RBM26: variants seen among roughly 807,000 people sequenced by gnomAD.
RBM26 encodes the protein RNA binding motif protein 26, also known as RNA-binding protein 26.
A neutral mutation model predicts 123.6 loss-of-function variants in RBM26; 30 were observed. The observed-to-expected ratio is 0.24, with a 90% confidence interval of 0.18 to 0.33. The LOEUF is 0.33. RBM26 is among the 10% of genes least tolerant of loss of function. The probability of loss-of-function intolerance (pLI) is 1.00; values close to 1 mark genes in which losing one functional copy is unlikely to be tolerated. For synonymous variants in RBM26, 400 were observed against 404.4 expected (o/e 0.99, Z 0.13); for missense variants, 947 against 1,203.6 (o/e 0.79, Z 3.15).
In RBM26 at chr13:79,404,670, T is replaced by C. The variant is rs2079364554; in HGVS notation, c.71+1034A>G. 4.6e-5 allele frequency among the ~76,000 whole-genome samples: 7 copies of C among 152,360 alleles called. No homozygotes were observed. In the South Asian group the frequency reaches 8.3e-4, roughly 18 times the overall value. Reference sequence around the variant, plus strand: ...TTGCTCTTCCTTTTGCAAGGAATGTTCTTTTCCAAGACTTTGACACACATG... The same window carrying C: ...TTGCTCTTCCTTTTGCAAGGAATGTCCTTTTCCAAGACTTTGACACACATG... On this transcript the variant is annotated intron_variant, in intron 1 of 21. Coordinates refer to ENST00000438737, the MANE Select transcript of RBM26 (RefSeq NM_001366735.2).
chr13:79,354,344 G>A (rs1191712188), intron 13 of RBM26, 95 bp downstream of exon 13: 22 of 1,058,966 alleles, frequency 2.1e-5, no homozygotes, highest in Non-Finnish European at 2.6e-5. Context: ...ATATTTCTAT[G>A]TAAAATATAT....
chr13:79,346,631 G>A lies in RBM26; in HGVS notation c.2059-1837C>T, dbSNP rs376931235. Among the ~76,000 whole-genome samples, 25 of 152,168 alleles carry A rather than the reference G, an allele frequency of 1.6e-4. No homozygotes were observed. The East Asian group carries it at 3.3e-3, about 20-fold the overall frequency. On this transcript the variant is annotated intron_variant, in intron 14 of 21. Transcript: ENST00000438737. ...GCTCAAGCAATCTTCCTGCCTTGGC[G>A]CCCCAAACTGTTGGGATTATAGGTG...
chr13:79,322,330 T>TG lies in RBM26; in HGVS notation c.2934+18dup, dbSNP rs1383823484. On this transcript the variant is annotated intron_variant, in intron 21 of 21. Coordinates refer to ENST00000438737, the MANE Select transcript of RBM26 (RefSeq NM_001366735.2). ...ATGAACGATTAAGGGTAAAAATAAG[T>TG]GGAAAAAAAATAACATACTTCTTCT... 1.4e-6 allele frequency: 2 copies of TG among 1,467,748 alleles called. No individual in the cohort carries two copies. The highest frequency in any genetic ancestry group is 1.5e-5 in the African/African-American group (1 of 68,278). 90.9% of individuals were successfully genotyped at this position (1,467,748 alleles called of 1,614,324 possible).
At chr13:79,393,905 T>TTG (rs145389188) in intron 1 of RBM26, among the ~76,000 whole-genome samples, 3 of 152,116 alleles carry the variant, frequency 2.0e-5, no homozygotes, top group Non-Finnish European at 4.4e-5. Flanking sequence ...CCTATTCTTT[T>TTG]TGTGTGTGTG....
Position 79,368,774 on chromosome 13 carries a change from T to A in RBM26, c.851A>T (p.Tyr284Phe). Residue 284 changes from tyrosine to phenylalanine, a missense_variant, in exon 6 of 22, where the codon TAC becomes TTC. This residue lies in a region of RBM26 where 275 missense variants were observed against 361.0 expected (regional missense o/e 0.76). Transcript: ENST00000438737. ...FHEDQVDHNS[Y>F]VRPPMPKKRC... ...TTTCTTTGGCATGGGTGGTCTTACG[T>A]AAGAGTTATGGTCCACTTGGTCTTC... is the stretch of plus-strand genomic sequence containing the variant. 3 of 1,614,000 alleles carry A rather than the reference T, an allele frequency of 1.9e-6. No individual in the cohort carries two copies. Among genetic ancestry groups the A allele is most frequent in the South Asian group, 2.2e-5 (2 of 91,080 alleles).
chr13:79,362,034 C>G (rs115144046), intron 9 of RBM26, among the ~76,000 whole-genome samples: 2 of 152,060 alleles, frequency 1.3e-5, no homozygotes, highest in Admixed American at 6.6e-5. Context: ...GATTAAGGAC[C>G]AAAGTTCTAC....
At chr13:79,388,705 TG>T (rs1167190534) in intron 1 of RBM26, among the ~76,000 whole-genome samples, 6 of 152,336 alleles carry the variant, frequency 3.9e-5, no homozygotes, top group Admixed American at 3.3e-4. Flanking sequence ...CTTTAGAGAC[TG>T]GTAACTGCAA....
At position 79,337,226 on chromosome 13, in the gene RBM26, C is replaced by T. The variant is rs777283147; in HGVS notation, c.2609G>A (p.Arg870Gln). ...HSRGRGAVHG[R>Q]GRGRGRGRGV... The stretch of plus-strand genomic sequence containing the variant: ...TCGCCCTCGCCCTCGCCCCCTGCCT[C>T]GGCCATGAACTGCACCTCGACCTCT... The change falls in exon 19 of 22, where the codon CGA becomes CAA. Residue 870 changes from arginine (R) to glutamine (Q), a missense_variant. Coordinates refer to ENST00000438737, the MANE Select transcript of RBM26 (RefSeq NM_001366735.2). The T allele has an allele frequency of 5.0e-6, 8 of 1,614,054 alleles. No homozygotes were observed. Among genetic ancestry groups the T allele is most frequent in the Middle Eastern group, 1.6e-4 (1 of 6,084 alleles).
chr13:79,396,067 T>C lies in RBM26; in HGVS notation c.71+9637A>G, dbSNP rs114434599. On this transcript the variant is annotated intron_variant, in intron 1 of 21. Coordinates refer to ENST00000438737, the MANE Select transcript of RBM26 (RefSeq NM_001366735.2). ...CAAACTGCTGACCAAATAAAAGGAA[T>C]TGAATCTTAAAGGTAGTCAAAGGGG... is the stretch of plus-strand genomic sequence containing the variant. Among the ~76,000 whole-genome samples the C allele has an allele frequency of 4.5e-3, 682 of 152,204 alleles. 5 individuals are homozygous for C. The highest frequency in any genetic ancestry group is 0.016 in the African/African-American group (656 of 41,544).
chr13:79,342,529 GC>G (rs1373493945), intron 17 of RBM26, 134 bp downstream of exon 17: 3 of 628,312 alleles, frequency 4.8e-6, no homozygotes, highest in African/African-American at 1.9e-5. Context: ...TTTATTTATG[GC>G]AGGGGGAGAA....
chr13:79,395,412 C>T (rs2078468617), intron 1 of RBM26, among the ~76,000 whole-genome samples: 1 of 152,082 alleles, frequency 6.6e-6, no homozygotes, highest in Non-Finnish European at 1.5e-5. Context: ...AGAAATAACT[C>T]TCCTTCGCAG....
At chr13:79,379,803 G>A (rs1246671033) in intron 1 of RBM26, among the ~76,000 whole-genome samples, 21 of 150,936 alleles carry the variant, frequency 1.4e-4, no homozygotes, top group Non-Finnish European at 2.9e-5. Context: ...TTTTTACCGA[G>A]ACTAACATTA....
At chr13:79,354,882 G>T (rs2139529557) in intron 12 of RBM26, among the ~76,000 whole-genome samples, 1 of 152,234 alleles carries the variant, frequency 6.6e-6, no homozygotes, top group East Asian at 1.9e-4. Flanking sequence ...CAAAAAGGAG[G>T]GAGAAAGGGG....
chr13:79,389,562 C>A (rs1217354496), intron 1 of RBM26: 3 of 152,164 alleles, frequency 2.0e-5, no homozygotes, highest in Non-Finnish European at 4.4e-5. Context: ...CATGTACTAA[C>A]CAAGCCTAAT....
At chr13:79,355,490 G>A (rs2073863833) in intron 11 of RBM26, 106 bp from the exon 12 acceptor site, 1 of 788,252 alleles carries the variant, frequency 1.3e-6, no homozygotes, top group African/African-American at 1.7e-5. Flanking sequence ...GTAAGATTCT[G>A]TATTTATACT....
rs866917948 is a variant in RBM26 at position 79,392,094 on chromosome 13, A to T, written c.72-13187T>A. ...ATACAATAATACATAATTATATAAT[A>T]ATGTATTATACAATACATAATTATA... is the stretch of plus-strand genomic sequence containing the variant. On this transcript the variant is annotated intron_variant, in intron 1 of 21. Transcript: ENST00000438737. Among the ~76,000 whole-genome samples the T allele has an allele frequency of 3.1e-3, 420 of 133,874 alleles. 12 individuals are homozygous for T. Among genetic ancestry groups the T allele is most frequent in the African/African-American group, 7.9e-3 (283 of 35,656 alleles). The allele number at this position is 133,874 out of a possible 152,430, so 87.8% of individuals were successfully genotyped here. A position where few individuals can be genotyped will look rare whatever the true frequency, so the allele number is the denominator to read the frequency against.
chr13:79,403,818 A>G (rs2079261898), intron 1 of RBM26, among the ~76,000 whole-genome samples: 1 of 152,226 alleles, frequency 6.6e-6, no homozygotes, highest in South Asian at 2.1e-4. Flanking sequence ...ACTCCAGTGA[A>G]ACTATTTTGC....
chr13:79,359,544 T>C (rs2074418169), intron 10 of RBM26, 31 bp downstream of exon 10: 1 of 993,416 alleles, frequency 1.0e-6, no homozygotes, highest in Non-Finnish European at 1.6e-6. Context: ...CAATGCACAA[T>C]TATACTCCTC....
chr13:79,345,810 T>C (rs1480367121), intron 14 of RBM26, among the ~76,000 whole-genome samples: 3 of 151,986 alleles, frequency 2.0e-5, no homozygotes, highest in Admixed American at 2.0e-4. Context: ...GAAATGACTA[T>C]AGGTCAGAGT....
Sources: gnomAD v4.1 joint callset for allele counts (sites outside exome capture counted in the v4.1 genomes callset) on GRCh38, gnomAD v4.1.1 for gene constraint, gnomAD v4.1.1 regional missense constraint, MANE v1.5 for transcripts, NCBI Gene and HGNC (gene_info 2026-07-23, HGNC 2026-07-21) for gene names.